Variants in HUNK observed in about 807,000 individuals in gnomAD.
HUNK encodes hormonally up-regulated neu tumor-associated kinase.
In HUNK, 21 loss-of-function variants were observed where a neutral mutation model predicts 61.0. The ratio of observed to expected loss-of-function variants is 0.34; its 90% CI spans 0.24 to 0.50. The LOEUF is 0.50. Among genes scored for constraint, HUNK ranks in the 20% least tolerant of loss-of-function variants. The probability of loss-of-function intolerance (pLI) is 0.98; values close to 1 mark genes in which losing one functional copy is unlikely to be tolerated. For synonymous variants in HUNK, 371 were observed against 386.1 expected (o/e 0.96, Z 0.46); for missense variants, 772 against 945.7 (o/e 0.82, Z 2.41).
chr21:31,944,503 C>G (rs78954538), intron 3 of HUNK, among the ~76,000 whole-genome samples: 2,227 of 152,142 alleles, frequency 0.015, 55 homozygotes, highest in African/African-American at 0.051. Context: ...AGGTGGGAAT[C>G]CAGAGACAGT....
At chr21:31,883,019 AT>A (rs112383556) in intron 1 of HUNK, among the ~76,000 whole-genome samples, 254 of 145,616 alleles carry the variant, frequency 1.7e-3, no homozygotes, top group South Asian at 4.8e-3. Context: ...GGAGTACATA[AT>A]TTTTTTTTTT....
intron 1 of HUNK, among the ~76,000 whole-genome samples, chr21:31,916,132 GCTCC>G (rs2052581078): frequency 8.0e-6 from 1 of 124,806 alleles, no homozygotes; most frequent in African/African-American, 3.1e-5. Context: ...CTCACTGCAA[GCTCC>G]GCCTCCCGGG....
chr21:31,909,723 C>T (rs1170178831), intron 1 of HUNK, among the ~76,000 whole-genome samples: 4 of 152,174 alleles, frequency 2.6e-5, no homozygotes, highest in South Asian at 2.1e-4. Flanking sequence ...CTCTGCAAAT[C>T]GGAGCAACAC....
chr21:31,975,895 T>G (rs1191794233), intron 7 of HUNK, among the ~76,000 whole-genome samples: 1 of 152,184 alleles, frequency 6.6e-6, no homozygotes, highest in South Asian at 2.1e-4. Context: ...CTAGAAAACA[T>G]TGCTGAACAG....
At chr21:31,988,879 G>A (rs1327401940) in intron 8 of HUNK, among the ~76,000 whole-genome samples, 1 of 149,092 alleles carries the variant, frequency 6.7e-6, no homozygotes, top group African/African-American at 2.5e-5. Context: ...AGACCAAGCT[G>A]GAGTGCAGTG....
At chr21:31,907,872 C>G (rs184823233) in intron 1 of HUNK, among the ~76,000 whole-genome samples, 2 of 152,006 alleles carry the variant, frequency 1.3e-5, no homozygotes, top group Admixed American at 1.3e-4. Context: ...CACCTGTAGT[C>G]CCAGCTACTA....
chr21:31,984,087 G>A (rs1421132979), intron 8 of HUNK, among the ~76,000 whole-genome samples: 1 of 152,154 alleles, frequency 6.6e-6, no homozygotes, highest in Non-Finnish European at 1.5e-5. Context: ...GGAATGGCAG[G>A]GGGAAGGGAG....
intron 1 of HUNK, among the ~76,000 whole-genome samples, chr21:31,887,104 A>G (rs1284651521): frequency 6.6e-6 from 1 of 151,988 alleles, no homozygotes. Context: ...GACTATGTTG[A>G]ATGGGTTGTC....
At chr21:31,946,933 A>C (rs1178811851) in intron 4 of HUNK, among the ~76,000 whole-genome samples, 1 of 152,240 alleles carries the variant, frequency 6.6e-6, no homozygotes, top group Non-Finnish European at 1.5e-5. Flanking sequence ...TGATGCCTGG[A>C]ATGTCCTTTC....
intron 1 of HUNK, among the ~76,000 whole-genome samples, chr21:31,903,881 A>G (rs1349509137): frequency 6.6e-6 from 1 of 152,230 alleles, no homozygotes; most frequent in African/African-American, 2.4e-5. Context: ...GATCAACAGT[A>G]TTGGTTGAAA....
chr21:31,942,549 A>G (rs1356477461), intron 3 of HUNK, among the ~76,000 whole-genome samples: 1 of 152,192 alleles, frequency 6.6e-6, no homozygotes, highest in African/African-American at 2.4e-5. Context: ...AGACCTGTCC[A>G]GTCAAGTGAG....
chr21:31,918,425 C>T (rs532982387), intron 1 of HUNK, among the ~76,000 whole-genome samples: 1 of 152,310 alleles, frequency 6.6e-6, no homozygotes, highest in African/African-American at 2.4e-5. Context: ...TAGTTTCCTG[C>T]AGCTGCTGTA....
intron 1 of HUNK, among the ~76,000 whole-genome samples, chr21:31,884,002 G>A (rs989847179): frequency 6.6e-6 from 1 of 152,206 alleles, no homozygotes; most frequent in South Asian, 2.1e-4. Flanking sequence ...GATTGCAAGG[G>A]AGAGGCATGA....
intron 4 of HUNK, among the ~76,000 whole-genome samples, chr21:31,957,715 A>G (rs2052899254): frequency 6.6e-6 from 1 of 152,214 alleles, no homozygotes; most frequent in South Asian, 2.1e-4. Context: ...TCTATTCTGT[A>G]GATTGGCTTT....
At chr21:31,893,546 G>T (rs975147438) in intron 1 of HUNK, among the ~76,000 whole-genome samples, 1 of 152,114 alleles carries the variant, frequency 6.6e-6, no homozygotes, top group African/African-American at 2.4e-5. Flanking sequence ...GTATTACTGG[G>T]TTGTCTTGTA....
chr21:31,940,814 T>C (rs1280913856), intron 3 of HUNK, among the ~76,000 whole-genome samples: 1 of 152,238 alleles, frequency 6.6e-6, no homozygotes, highest in African/African-American at 2.4e-5. Flanking sequence ...ATTTTCTCCC[T>C]CTGTGGTCGC....
At chr21:31,960,551 T>C (rs956093989) in intron 5 of HUNK, among the ~76,000 whole-genome samples, 1 of 152,150 alleles carries the variant, frequency 6.6e-6, no homozygotes, top group African/African-American at 2.4e-5. Context: ...CTGGGTAATT[T>C]ATAAAGGAAA....
chr21:31,949,095 G>C (rs1473287356), intron 4 of HUNK, among the ~76,000 whole-genome samples: 1 of 152,236 alleles, frequency 6.6e-6, no homozygotes, highest in Non-Finnish European at 1.5e-5. Flanking sequence ...GCACTGCCTA[G>C]AGGCACACAC....
chr21:31,980,766 G>A (rs1249189598), intron 7 of HUNK, among the ~76,000 whole-genome samples: 12 of 151,476 alleles, frequency 7.9e-5, no homozygotes, highest in Non-Finnish European at 1.6e-4. Context: ...GTGCAATGGC[G>A]AGATCTCCAT....
Sources: gnomAD v4.1 joint callset for allele counts (sites outside exome capture counted in the v4.1 genomes callset) on GRCh38, gnomAD v4.1.1 for gene constraint, MANE v1.5 for transcripts, NCBI Gene and HGNC (gene_info 2026-07-23, HGNC 2026-07-21) for gene names.